The following RAD23B variants were observed in gnomAD, a reference collection of about 807,000 sequenced individuals.
The protein encoded by RAD23B is lysine-specific demethylase RAD23B.
A neutral mutation model predicts 49.1 loss-of-function variants in RAD23B; 5 were observed. That is an observed-to-expected ratio of 0.10 (90% CI 0.05 to 0.21). The LOEUF (loss-of-function observed/expected upper bound fraction) is 0.21. RAD23B is among the 10% of genes least tolerant of loss of function. The pLI, the probability that RAD23B is intolerant of heterozygous loss-of-function variation, is 1.00. For synonymous variants in RAD23B, 184 were observed against 165.4 expected (o/e 1.11, Z -0.86); for missense variants, 356 against 486.7 (o/e 0.73, Z 2.53).
Position 107,331,690 on chromosome 9 carries a change from A to AG in RAD23B, c.*2034_*2035insG, listed in dbSNP as rs767597678. The AG allele has an allele frequency of 5.1e-5, 3 of 59,094 alleles. No individual in the cohort carries two copies. The highest frequency in any genetic ancestry group is 9.1e-5 in the Non-Finnish European group (3 of 33,134). The allele number at this position is 59,094 out of a possible 1,614,324, so 3.7% of individuals were successfully genotyped here. On this transcript the variant is annotated 3_prime_UTR_variant, in exon 10 of 10. Transcript: ENST00000358015. ...TCAGATCATAGTGAAAACTGGAAAC[A>AG]AAAAAAAAAAACAGCCTCTTCTTGG...
At chr9:107,305,208 G>A (rs1283205026) in intron 3 of RAD23B, among the ~76,000 whole-genome samples, 2 of 152,226 alleles carry the variant, frequency 1.3e-5, no homozygotes, top group Admixed American at 1.3e-4. Context: ...GGCGGGGGCA[G>A]TGGCTGAGGC....
chr9:107,284,329 A>AT (rs1833228961), intron 1 of RAD23B: 1 of 655,070 alleles, frequency 1.5e-6, no homozygotes. Context: ...CTCTTTGGTG[A>AT]TGGTTTTAGC....
At chr9:107,285,150 T>A (rs969095813) in intron 1 of RAD23B, among the ~76,000 whole-genome samples, 2 of 152,234 alleles carry the variant, frequency 1.3e-5, no homozygotes, top group Non-Finnish European at 2.9e-5. Flanking sequence ...AGATCTCAGT[T>A]ATACATGAGA....
intron 1 of RAD23B, among the ~76,000 whole-genome samples, chr9:107,295,544 T>A (rs1330643874): frequency 6.6e-6 from 1 of 152,162 alleles, no homozygotes; most frequent in Non-Finnish European, 1.5e-5. Context: ...AGTTCCTCTG[T>A]CTTCTGTTTT....
chr9:107,323,764 T>G (rs1827150821), intron 7 of RAD23B, 126 bp from the exon 8 acceptor site: 2 of 941,104 alleles, frequency 2.1e-6, no homozygotes, highest in Non-Finnish European at 3.3e-6. Context: ...ATTTACTTCA[T>G]TTTATTACAT....
At chr9:107,294,763 G>C (rs1826464865) in intron 1 of RAD23B, among the ~76,000 whole-genome samples, 1 of 152,194 alleles carries the variant, frequency 6.6e-6, no homozygotes, top group Non-Finnish European at 1.5e-5. Context: ...GGGAGAGAGA[G>C]CTGGGCTAGA....
intron 4 of RAD23B, among the ~76,000 whole-genome samples, chr9:107,311,457 C>A (rs1291763829): frequency 6.6e-6 from 1 of 151,988 alleles, no homozygotes. Context: ...GTGATGGAGT[C>A]TCAGAATAGA....
intron 1 of RAD23B, among the ~76,000 whole-genome samples, chr9:107,289,098 T>TCTTCCCTCCCTCCCTCCCTTCCCC (rs1833334536): frequency 1.6e-5 from 1 of 62,966 alleles, no homozygotes. Context: ...TTTCCTCCCT[T>TCTTCCCTCCCTCCCTCCCTTCCCC]CTTCCCTCCC....
At chr9:107,296,490 A>T (rs187138741) in intron 1 of RAD23B, among the ~76,000 whole-genome samples, 8 of 152,146 alleles carry the variant, frequency 5.3e-5, no homozygotes, top group Non-Finnish European at 1.0e-4. Flanking sequence ...TGACTGTGTA[A>T]TTGTGAATTG....
At chr9:107,285,152 T>C (rs978888876) in intron 1 of RAD23B, among the ~76,000 whole-genome samples, 8 of 152,250 alleles carry the variant, frequency 5.3e-5, no homozygotes, top group Non-Finnish European at 8.8e-5. Context: ...ATCTCAGTTA[T>C]ACATGAGAAA....
intron 5 of RAD23B, among the ~76,000 whole-genome samples, chr9:107,317,191 A>G (rs1313470804): frequency 6.6e-6 from 1 of 152,174 alleles, no homozygotes; most frequent in African/African-American, 2.4e-5. Flanking sequence ...AACAGGGTGT[A>G]ATCCCATCTA....
At chr9:107,294,593 C>A (rs924014917) in intron 1 of RAD23B, among the ~76,000 whole-genome samples, 33 of 152,176 alleles carry the variant, frequency 2.2e-4, no homozygotes, top group Non-Finnish European at 1.9e-4. Context: ...GTCTTTCTTG[C>A]TAATCTGTTT....
chr9:107,301,655 A>T (rs1303315728), intron 2 of RAD23B, among the ~76,000 whole-genome samples: 1 of 152,094 alleles, frequency 6.6e-6, no homozygotes, highest in African/African-American at 2.4e-5. Flanking sequence ...CTCCTGCCTC[A>T]GCCTCCCAAG....
chr9:107,292,903 A>C (rs1034870828), intron 1 of RAD23B, among the ~76,000 whole-genome samples: 1 of 152,148 alleles, frequency 6.6e-6, no homozygotes, highest in Non-Finnish European at 1.5e-5. Flanking sequence ...CTGCATAACA[A>C]ATTACCCCAA....
intron 9 of RAD23B, among the ~76,000 whole-genome samples, chr9:107,328,810 C>T (rs1468320076): frequency 6.6e-6 from 1 of 152,170 alleles, no homozygotes; most frequent in Non-Finnish European, 1.5e-5. Flanking sequence ...AGGAGGGTGA[C>T]ATTTGGCTGA....
intron 5 of RAD23B, among the ~76,000 whole-genome samples, chr9:107,312,583 C>CT (rs11573680): frequency 0.16 from 24,844 of 152,120 alleles, 2,406 homozygotes; most frequent in Admixed American, 0.23. Flanking sequence ...TTTAAATTAT[C>CT]TAAGATCGCC....
intron 1 of RAD23B, chr9:107,284,951 T>A: frequency 4.6e-6 from 6 of 1,301,744 alleles, no homozygotes; most frequent in Non-Finnish European, 5.1e-6. Context: ...TGGAATCGAT[T>A]ATTTAAACAA....
chr9:107,300,269 T>G, intron 2 of RAD23B, 47 bp downstream of exon 2: 1 of 1,565,116 alleles, frequency 6.4e-7, no homozygotes, highest in Non-Finnish European at 8.6e-7. Flanking sequence ...TGATATTCTT[T>G]TAGTTTTAGA....
intron 1 of RAD23B, among the ~76,000 whole-genome samples, chr9:107,295,482 A>G (rs1321508680): frequency 6.6e-6 from 1 of 152,198 alleles, no homozygotes; most frequent in Non-Finnish European, 1.5e-5. Context: ...AATAGGTGAG[A>G]AGGAGATGTA....
Sources: gnomAD v4.1 joint callset for allele counts (sites outside exome capture counted in the v4.1 genomes callset) on GRCh38, gnomAD v4.1.1 for gene constraint, MANE v1.5 for transcripts, NCBI Gene and HGNC (gene_info 2026-07-23, HGNC 2026-07-21) for gene names.